Variants in TBXAS1 observed in about 807,000 individuals in gnomAD.
TBXAS1 encodes thromboxane A synthase 1.
TBXAS1 carries 48 observed loss-of-function variants against 60.7 expected under a neutral mutation model. The observed-to-expected ratio is 0.79, with a 90% CI of 0.63 to 1.01. TBXAS1 has a LOEUF of 1.01. Ranked by LOEUF, TBXAS1 falls within the 50% of genes least tolerant of loss-of-function variation. The probability of loss-of-function intolerance (pLI) is 0.00; values close to 1 mark genes in which losing one functional copy is unlikely to be tolerated. For missense variants in TBXAS1, 685 were observed against 686.3 expected, an observed-to-expected ratio of 1.00 and a Z score of 0.02; for synonymous variants, 287 against 269.7, an observed-to-expected ratio of 1.06 and a Z score of -0.63.
At chr7:139,915,925 C>T (rs1805931106) in intron 4 of TBXAS1, among the ~76,000 whole-genome samples, 1 of 152,190 alleles carries the variant, frequency 6.6e-6, no homozygotes, top group African/African-American at 2.4e-5. Flanking sequence ...TCATTTTCCA[C>T]GTGGACCTTG....
chr7:139,998,948 T>G (rs965578720), intron 9 of TBXAS1, among the ~76,000 whole-genome samples: 2 of 152,262 alleles, frequency 1.3e-5, no homozygotes, highest in Admixed American at 6.5e-5. Flanking sequence ...ATAGATGCCA[T>G]GTACACTCTC....
intron 4 of TBXAS1, among the ~76,000 whole-genome samples, chr7:139,798,058 C>T (rs530853769): frequency 3.9e-5 from 6 of 152,128 alleles, no homozygotes; most frequent in Non-Finnish European, 8.8e-5. Context: ...TCATGAAGCT[C>T]AAATGACAAG....
intron 5 of TBXAS1, 129 bp from the exon 6 acceptor site, chr7:139,953,239 G>A (rs1809553197): frequency 3.8e-6 from 3 of 783,182 alleles, no homozygotes; most frequent in Admixed American, 3.8e-5. Flanking sequence ...AATCTTAGCT[G>A]TGTGAAAAAT....
chr7:139,952,496 GT>G (rs1469250636), intron 5 of TBXAS1: 1 of 1,522,152 alleles, frequency 6.6e-7, no homozygotes, highest in East Asian at 2.5e-5. Context: ...TGCTTTAGCT[GT>G]GATGCTATTC....
intron 1 of TBXAS1, among the ~76,000 whole-genome samples, chr7:139,859,186 T>C (rs1800792896): frequency 6.6e-6 from 1 of 150,792 alleles, no homozygotes; most frequent in Non-Finnish European, 1.5e-5. Context: ...AAAGCATTCA[T>C]TTTTTATCGT....
chr7:139,971,690 G>A (rs573544031), intron 9 of TBXAS1, among the ~76,000 whole-genome samples: 3 of 152,100 alleles, frequency 2.0e-5, no homozygotes, highest in South Asian at 2.1e-4. Context: ...AAACTGACCC[G>A]CTCTGCCTGG....
At chr7:139,918,025 A>G (rs1396515791) in intron 4 of TBXAS1, among the ~76,000 whole-genome samples, 1 of 152,196 alleles carries the variant, frequency 6.6e-6, no homozygotes, top group Non-Finnish European at 1.5e-5. Flanking sequence ...ATTCCAGAAC[A>G]TTCCATGGAA....
intron 3 of TBXAS1, among the ~76,000 whole-genome samples, chr7:139,893,442 G>A (rs1803814433): frequency 6.6e-6 from 1 of 151,432 alleles, no homozygotes; most frequent in Non-Finnish European, 1.5e-5. Flanking sequence ...ACAGCCAAAT[G>A]ACTATTTTAA....
intron 1 of TBXAS1, among the ~76,000 whole-genome samples, chr7:139,856,832 G>C (rs1402903926): frequency 6.6e-6 from 1 of 152,074 alleles, no homozygotes; most frequent in Non-Finnish European, 1.5e-5. Flanking sequence ...TCAGGCAAAA[G>C]AAAGGGGCAG....
chr7:139,938,941 C>T (rs546553136), intron 5 of TBXAS1, among the ~76,000 whole-genome samples: 28 of 152,344 alleles, frequency 1.8e-4, no homozygotes, highest in African/African-American at 6.7e-4. Flanking sequence ...CAGAAAGTGA[C>T]ACATTGTCGT....
At chr7:139,860,429 C>T (rs1233661892) in intron 1 of TBXAS1, among the ~76,000 whole-genome samples, 1 of 152,196 alleles carries the variant, frequency 6.6e-6, no homozygotes, top group Non-Finnish European at 1.5e-5. Flanking sequence ...TGAATATTGG[C>T]CCCCTAAAAT....
intron 1 of TBXAS1, among the ~76,000 whole-genome samples, chr7:139,834,214 AT>A (rs1304769198): frequency 1.3e-5 from 2 of 152,226 alleles, no homozygotes; most frequent in East Asian, 3.8e-4. Context: ...CTGAATGAGC[AT>A]TGGGTAAAAA....
chr7:139,964,130 G>A (rs550936901), intron 9 of TBXAS1, among the ~76,000 whole-genome samples: 1 of 151,924 alleles, frequency 6.6e-6, no homozygotes, highest in Non-Finnish European at 1.5e-5. Flanking sequence ...TTGTTGCCGA[G>A]GCTGGAGTGC....
upstream of TBXAS1, among the ~76,000 whole-genome samples, chr7:139,826,260 C>A (rs758125862): frequency 6.6e-6 from 1 of 151,850 alleles, no homozygotes; most frequent in African/African-American, 2.4e-5. Flanking sequence ...GTACAGATCC[C>A]GATGGAATGG....
At chr7:139,920,760 T>C (rs1806402931) in intron 4 of TBXAS1, among the ~76,000 whole-genome samples, 1 of 152,236 alleles carries the variant, frequency 6.6e-6, no homozygotes, top group Non-Finnish European at 1.5e-5. Context: ...AACCATTGTT[T>C]GGCTGATGAG....
intron 4 of TBXAS1, among the ~76,000 whole-genome samples, chr7:139,821,495 T>C (rs962935990): frequency 6.6e-6 from 1 of 152,202 alleles, no homozygotes; most frequent in African/African-American, 2.4e-5. Flanking sequence ...TCAAGACTAA[T>C]ACAAAATCAA....
chr7:140,018,098 C>T (rs1585069870), intron 12 of TBXAS1, among the ~76,000 whole-genome samples: 1 of 152,214 alleles, frequency 6.6e-6, no homozygotes, highest in Non-Finnish European at 1.5e-5. Flanking sequence ...AACCCGAGCA[C>T]GTGTTAACCA....
intron 4 of TBXAS1, among the ~76,000 whole-genome samples, chr7:139,812,112 C>T (rs921581542): frequency 2.0e-5 from 3 of 152,144 alleles, no homozygotes; most frequent in Non-Finnish European, 4.4e-5. Flanking sequence ...TTCTTATTGC[C>T]GTCCTTGAAA....
At chr7:139,824,795 G>A (rs1798390398), upstream of TBXAS1, among the ~76,000 whole-genome samples, 1 of 146,916 alleles carries the variant, frequency 6.8e-6, no homozygotes, top group Non-Finnish European at 1.5e-5. Flanking sequence ...GTGTAGAGTT[G>A]ATTTTTTCTT....
Sources: allele counts gnomAD v4.1 joint callset (sites outside exome capture counted in the v4.1 genomes callset), GRCh38; gene constraint gnomAD v4.1.1; transcripts MANE v1.5; gene names NCBI Gene and HGNC (gene_info 2026-07-23, HGNC 2026-07-21).